The following PLD5 variants were observed in gnomAD, a reference collection of about 807,000 sequenced individuals.
PLD5 encodes the protein phospholipase D family member 5, also known as inactive phospholipase D5.
Under a neutral mutation model 61.1 loss-of-function variants are expected in PLD5, and 36 were observed. That is an observed-to-expected ratio of 0.59 (90% CI 0.45 to 0.78). PLD5 has a LOEUF of 0.78. Among genes scored for constraint, PLD5 ranks in the 30% least tolerant of loss-of-function variants. The pLI, the probability that PLD5 is intolerant of heterozygous loss-of-function variation, is 0.00. For missense variants in PLD5, 515 were observed against 644.4 expected (o/e 0.80, Z 2.17); for synonymous variants, 243 against 242.8 (o/e 1.00, Z -0.01).
chr1:242,117,314 T>C (rs745498277), intron 6 of PLD5, among the ~76,000 whole-genome samples: 2 of 152,134 alleles, frequency 1.3e-5, no homozygotes, highest in Non-Finnish European at 2.9e-5. Flanking sequence ...CTCATGTGTC[T>C]TTATTTTTGT....
chr1:242,393,466 GTA>G (rs1300000331), intron 1 of PLD5, among the ~76,000 whole-genome samples: 3 of 61,082 alleles, frequency 4.9e-5, no homozygotes, highest in African/African-American at 1.3e-4. Context: ...ATATATATGA[GTA>G]TATATATGTG....
intron 2 of PLD5, among the ~76,000 whole-genome samples, chr1:242,307,123 T>C (rs1257871153): frequency 6.6e-6 from 1 of 152,224 alleles, no homozygotes; most frequent in African/African-American, 2.4e-5. Flanking sequence ...CACAGAATAT[T>C]AAGTTGGATT....
At chr1:242,450,784 T>C (rs1472783935) in intron 1 of PLD5, among the ~76,000 whole-genome samples, 1 of 152,058 alleles carries the variant, frequency 6.6e-6, no homozygotes, top group Non-Finnish European at 1.5e-5. Flanking sequence ...GAAAAAGTCT[T>C]TTAGGATAGA....
intron 5 of PLD5, among the ~76,000 whole-genome samples, chr1:242,171,847 C>A (rs1263900615): frequency 6.6e-6 from 1 of 152,050 alleles, no homozygotes; most frequent in Non-Finnish European, 1.5e-5. Flanking sequence ...AAGAGCTTAT[C>A]ATCATAAATA....
upstream of PLD5, among the ~76,000 whole-genome samples, chr1:242,527,048 A>AT (rs1371288739): frequency 2.4e-4 from 34 of 143,470 alleles, no homozygotes; most frequent in Non-Finnish European, 3.0e-4. Flanking sequence ...AAGTAAATAG[A>AT]TTTTTTTTAA....
At chr1:242,095,988 T>C (rs894716720) in intron 9 of PLD5, among the ~76,000 whole-genome samples, 1 of 152,072 alleles carries the variant, frequency 6.6e-6, no homozygotes, top group African/African-American at 2.4e-5. Context: ...CAGAGGACTC[T>C]CACTCTGTCA....
At chr1:242,417,358 A>C (rs113492381) in intron 1 of PLD5, among the ~76,000 whole-genome samples, 5,695 of 152,284 alleles carry the variant, frequency 0.037, 383 homozygotes, top group African/African-American at 0.13. Flanking sequence ...GTTCCATGTC[A>C]GTTTACCATT....
intron 1 of PLD5, among the ~76,000 whole-genome samples, chr1:242,354,419 A>G (rs1015662014): frequency 6.6e-6 from 1 of 152,210 alleles, no homozygotes; most frequent in Non-Finnish European, 1.5e-5. Context: ...CACGTGGCCA[A>G]TAAGTCAGCC....
chr1:242,261,968 T>C (rs546057951), intron 4 of PLD5, among the ~76,000 whole-genome samples: 55 of 152,250 alleles, frequency 3.6e-4, no homozygotes, highest in African/African-American at 1.3e-3. Flanking sequence ...GCAATCCCAA[T>C]CCTAAGTTCA....
intron 1 of PLD5, among the ~76,000 whole-genome samples, chr1:242,377,726 A>G (rs530217224): frequency 6.6e-5 from 10 of 152,334 alleles, no homozygotes; most frequent in Admixed American, 5.2e-4. Flanking sequence ...AGTTCAATGG[A>G]CATTTCTCCA....
chr1:242,449,644 G>A (rs1666700865), intron 1 of PLD5, among the ~76,000 whole-genome samples: 1 of 152,160 alleles, frequency 6.6e-6, no homozygotes, highest in African/African-American at 2.4e-5. Context: ...GCAAGCACTG[G>A]GGACTGCTAT....
chr1:242,156,367 G>A (rs1436230303), intron 5 of PLD5, among the ~76,000 whole-genome samples: 2 of 152,128 alleles, frequency 1.3e-5, no homozygotes, highest in Non-Finnish European at 2.9e-5. Context: ...AGTTAATATT[G>A]TTATGTGTGA....
intron 5 of PLD5, among the ~76,000 whole-genome samples, chr1:242,213,136 G>A (rs1024895048): frequency 1.3e-5 from 2 of 152,092 alleles, no homozygotes; most frequent in African/African-American, 4.8e-5. Context: ...CTCACAATTG[G>A]CCTATAATTG....
chr1:242,169,939 A>G (rs767634556), intron 5 of PLD5, among the ~76,000 whole-genome samples: 1 of 152,196 alleles, frequency 6.6e-6, no homozygotes, highest in Non-Finnish European at 1.5e-5. Context: ...CCAGTCAGGG[A>G]CTTATAGATA....
chr1:242,147,691 A>G (rs1182268817), intron 5 of PLD5: 1 of 151,978 alleles, frequency 6.6e-6, no homozygotes, highest in Non-Finnish European at 1.5e-5. Flanking sequence ...TAATTTTTTT[A>G]TGTTTTGAAT....
intron 1 of PLD5, among the ~76,000 whole-genome samples, chr1:242,445,543 T>A (rs374079215): frequency 6.6e-6 from 1 of 152,268 alleles, no homozygotes; most frequent in South Asian, 2.1e-4. Context: ...GGTTTCACCA[T>A]GTTGGCCAGG....
At chr1:242,335,519 G>T (rs1371191587) in intron 2 of PLD5, among the ~76,000 whole-genome samples, 1 of 152,170 alleles carries the variant, frequency 6.6e-6, no homozygotes, top group Non-Finnish European at 1.5e-5. Context: ...TACGATAGTT[G>T]ACTCTAACTT....
intron 2 of PLD5, among the ~76,000 whole-genome samples, chr1:242,329,121 G>A (rs1300744766): frequency 3.9e-5 from 6 of 151,902 alleles, no homozygotes; most frequent in South Asian, 2.1e-4. Context: ...TGATTCTCTC[G>A]TGCCTCAGCC....
intron 1 of PLD5, among the ~76,000 whole-genome samples, chr1:242,518,262 CT>C (rs1027510497): frequency 8.5e-5 from 13 of 152,132 alleles, no homozygotes; most frequent in Non-Finnish European, 1.5e-4. Flanking sequence ...TTTAAACATG[CT>C]TTTTTGGTTA....
Sources: gnomAD v4.1 joint callset for allele counts (sites outside exome capture counted in the v4.1 genomes callset) on GRCh38, gnomAD v4.1.1 for gene constraint, MANE v1.5 for transcripts, NCBI Gene and HGNC (gene_info 2026-07-23, HGNC 2026-07-21) for gene names.